The following AKAP7 variants were observed in gnomAD, a reference collection of about 807,000 sequenced individuals.
The protein encoded by AKAP7 is A kinase (PRKA) anchor protein 7.
Under a neutral mutation model 39.5 loss-of-function variants are expected in AKAP7, and 39 were observed. That is an observed-to-expected ratio of 0.99 (90% CI 0.76 to 1.29). AKAP7 has a LOEUF of 1.29. AKAP7 is among the 50% of genes most tolerant of loss of function. The probability of loss-of-function intolerance (pLI) is 0.00; values close to 1 mark genes in which losing one functional copy is unlikely to be tolerated. For missense variants in AKAP7, 414 were observed against 407.7 expected (o/e 1.02, Z -0.13); for synonymous variants, 140 against 139.1 (o/e 1.01, Z -0.05).
intron 7 of AKAP7, among the ~76,000 whole-genome samples, chr6:131,234,984 C>A (rs1243680060): frequency 1.3e-5 from 2 of 151,976 alleles, no homozygotes; most frequent in Non-Finnish European, 2.9e-5. Flanking sequence ...TACACATGTA[C>A]AATGCTGGTG....
At chr6:131,159,059 G>A (rs536021890) in intron 2 of AKAP7, among the ~76,000 whole-genome samples, 1 of 151,880 alleles carries the variant, frequency 6.6e-6, no homozygotes, top group East Asian at 1.9e-4. Context: ...CTTCTCAGAT[G>A]ACCTTTTGTT....
At chr6:131,157,647 A>G (rs1345330466) in intron 2 of AKAP7, among the ~76,000 whole-genome samples, 3 of 152,228 alleles carry the variant, frequency 2.0e-5, no homozygotes, top group South Asian at 4.1e-4. Flanking sequence ...ACCCAATGGC[A>G]TCATGAATGA....
chr6:131,165,294 A>G, intron 4 of AKAP7, 77 bp downstream of exon 4: 2 of 1,089,324 alleles, frequency 1.8e-6, no homozygotes, highest in Non-Finnish European at 2.6e-6. Flanking sequence ...GAACCCAAAG[A>G]GACATTCTAA....
At position 131,135,683 on chromosome 6, in the gene AKAP7, G is replaced by A. The variant is rs1440839728; in HGVS notation, c.-81G>A. ...CGAGCCCCGCCCTGGCCTCCGCCTC[G>A]GCCTCGCCTCCAGCCCCGGGACGCG... On this transcript the variant is annotated 5_prime_UTR_variant, in exon 1 of 8. Coordinates refer to ENST00000431975, the MANE Select transcript of AKAP7 (RefSeq NM_016377.4). 2 of 1,116,204 alleles carry A rather than the reference G, an allele frequency of 1.8e-6. No homozygotes were observed. The highest frequency in any genetic ancestry group is 2.2e-6 in the Non-Finnish European group (2 of 914,930). The allele number at this position is 1,116,204 out of a possible 1,614,324, so 69.1% of individuals were successfully genotyped here. A position where few individuals can be genotyped will look rare whatever the true frequency, so the allele number is the denominator to read the frequency against.
intron 3 of AKAP7, among the ~76,000 whole-genome samples, chr6:131,161,496 C>A (rs1206413551): frequency 6.6e-6 from 1 of 150,834 alleles, no homozygotes; most frequent in Non-Finnish European, 1.5e-5. Context: ...TATACAAAAA[C>A]TAGCTGGGCA....
At chr6:131,263,125 T>C (rs185255624) in intron 7 of AKAP7, among the ~76,000 whole-genome samples, 4 of 152,320 alleles carry the variant, frequency 2.6e-5, no homozygotes, top group East Asian at 1.9e-4. Context: ...GGAAGTGGCA[T>C]ACATCAAGGC....
intron 5 of AKAP7, among the ~76,000 whole-genome samples, chr6:131,179,811 G>A (rs1804957462): frequency 6.6e-6 from 1 of 152,026 alleles, no homozygotes; most frequent in South Asian, 2.1e-4. Flanking sequence ...CGAGGCTGCA[G>A]CGAGCTGTGA....
Position 131,223,714 on chromosome 6 carries a change from C to T in AKAP7, c.850+3906C>T, listed in dbSNP as rs529885048. ...TTATAAGGTCTCTTACAAGGCCAACCTTATAAGAATTGCAGTGCCTCATTA... is the reference window on the plus strand; with the variant it reads ...TTATAAGGTCTCTTACAAGGCCAACTTTATAAGAATTGCAGTGCCTCATTA... On this transcript the variant is annotated intron_variant, in intron 7 of 7. Transcript: ENST00000431975. Among the ~76,000 whole-genome samples the T allele has an allele frequency of 9.9e-5, 15 of 152,256 alleles. No homozygotes were observed. In the South Asian group the frequency reaches 2.7e-3, roughly 27 times the overall value.
chr6:131,211,704 C>T (rs1402573635), intron 6 of AKAP7, among the ~76,000 whole-genome samples: 3 of 137,326 alleles, frequency 2.2e-5, no homozygotes, highest in East Asian at 2.1e-4. Context: ...ACCCGGGAGA[C>T]GGAGGTTGCA....
chr6:131,184,235 A>G (rs1454885437), intron 5 of AKAP7: 4 of 424,274 alleles, frequency 9.4e-6, no homozygotes, highest in Admixed American at 8.9e-5. Context: ...CTTGTGAAGG[A>G]GAGGAGGAGG....
intron 7 of AKAP7, among the ~76,000 whole-genome samples, chr6:131,262,235 A>T (rs918110031): frequency 6.6e-6 from 1 of 152,194 alleles, no homozygotes; most frequent in African/African-American, 2.4e-5. Context: ...AAAGGGCAAG[A>T]TCCTGTTCCC....
At chr6:131,212,791 G>A (rs1461157731) in intron 6 of AKAP7, among the ~76,000 whole-genome samples, 1 of 152,178 alleles carries the variant, frequency 6.6e-6, no homozygotes, top group East Asian at 1.9e-4. Context: ...AAGGAAGAAT[G>A]TTGATGGGAA....
chr6:131,163,324 A>G (rs973937817), intron 3 of AKAP7, among the ~76,000 whole-genome samples: 4 of 152,254 alleles, frequency 2.6e-5, no homozygotes, highest in African/African-American at 9.6e-5. Context: ...TGTATCTTCT[A>G]CATGAGCACA....
intron 6 of AKAP7, among the ~76,000 whole-genome samples, chr6:131,209,211 AT>A (rs754830827): frequency 3.3e-5 from 5 of 151,590 alleles, no homozygotes; most frequent in Non-Finnish European, 5.9e-5. Context: ...CTGTGGACAT[AT>A]TTATTTTCCA....
At chr6:131,242,717 C>T (rs1190423400) in intron 7 of AKAP7, among the ~76,000 whole-genome samples, 1 of 152,088 alleles carries the variant, frequency 6.6e-6, no homozygotes, top group Admixed American at 6.6e-5. Flanking sequence ...TGATGAGCTC[C>T]ATTCTTCTTC....
chr6:131,214,537 A>T (rs1296332456), intron 6 of AKAP7, among the ~76,000 whole-genome samples: 1 of 152,216 alleles, frequency 6.6e-6, no homozygotes, highest in African/African-American at 2.4e-5. Context: ...CCAGTATTGT[A>T]CCTGATTATT....
intron 7 of AKAP7, among the ~76,000 whole-genome samples, chr6:131,245,411 C>T (rs1440813284): frequency 1.6e-5 from 2 of 127,636 alleles, no homozygotes; most frequent in East Asian, 2.0e-4. Flanking sequence ...CGCCCAGCTA[C>T]GTTTTTTTTT....
upstream of AKAP7, among the ~76,000 whole-genome samples, chr6:131,132,660 G>T (rs538982390): frequency 1.3e-5 from 2 of 151,958 alleles, no homozygotes; most frequent in African/African-American, 4.8e-5. Context: ...ACACATTCTG[G>T]ATTGGTCTGA....
At chr6:131,238,369 G>A (rs560085685) in intron 7 of AKAP7, among the ~76,000 whole-genome samples, 156 of 152,300 alleles carry the variant, frequency 1.0e-3, no homozygotes, top group African/African-American at 3.7e-3. Context: ...GTGCTGAAAA[G>A]AATGTATATT....
Sources: allele counts gnomAD v4.1 joint callset (sites outside exome capture counted in the v4.1 genomes callset), GRCh38; gene constraint gnomAD v4.1.1; transcripts MANE v1.5; gene names NCBI Gene and HGNC (gene_info 2026-07-23, HGNC 2026-07-21).